The following ITGB1BP1 variants were observed in gnomAD, a reference collection of about 807,000 sequenced individuals.
ITGB1BP1 encodes integrin beta-1-binding protein 1.
A neutral mutation model predicts 28.0 loss-of-function variants in ITGB1BP1; 20 were observed. The observed-to-expected ratio is 0.71, with a 90% CI of 0.50 to 1.04. ITGB1BP1 has a LOEUF of 1.04. Among genes scored for constraint, ITGB1BP1 ranks in the 50% least tolerant of loss-of-function variants. The pLI is 0.00. For missense variants in ITGB1BP1, 228 were observed against 242.5 expected, an observed-to-expected ratio of 0.94 and a Z score of 0.40; for synonymous variants, 103 against 89.5, an observed-to-expected ratio of 1.15 and a Z score of -0.85.
chr2:9,421,442 C>T lies in ITGB1BP1; in HGVS notation c.-36+1931G>A, dbSNP rs1219036923. 3.3e-5 allele frequency among the ~76,000 whole-genome samples: 5 copies of T among 152,170 alleles called. No homozygotes were observed. The South Asian group carries it at 8.3e-4, about 25-fold the overall frequency. ...GTGGCTCACGCCTGTAATCCCAGCA[C>T]TTTGGGAGGCCAAGTCGGGCGGATC... On this transcript the variant is annotated intron_variant, in intron 1 of 6. Coordinates refer to ENST00000355346, the MANE Select transcript of ITGB1BP1 (RefSeq NM_004763.5).
chr2:9,418,584 T>C (rs1679428829), intron 2 of ITGB1BP1, 42 bp downstream of exon 2: 1 of 1,345,308 alleles, frequency 7.4e-7, no homozygotes, highest in Non-Finnish European at 1.1e-6. Flanking sequence ...GAAACAAAAC[T>C]CTCCCTGCTT....
In ITGB1BP1 at chr2:9,409,474, C is replaced by A. The variant is rs1240571280; in HGVS notation, c.289-1269G>T. Among the ~76,000 whole-genome samples, 12 of 152,182 alleles carry A rather than the reference C, an allele frequency of 7.9e-5. No individual in the cohort carries two copies. The East Asian group carries it at 2.3e-3, about 29-fold the overall frequency. Reference sequence around the variant, plus strand: ...TGGTGATATGAGAAATTTAGTAGTCCTTATAGGAATGAAAATAATGCTAGT... The same window carrying A: ...TGGTGATATGAGAAATTTAGTAGTCATTATAGGAATGAAAATAATGCTAGT... On this transcript the variant is annotated intron_variant, in intron 4 of 6. Transcript: ENST00000355346.
chr2:9,412,621 G>T (rs1258604551), intron 3 of ITGB1BP1: 2 of 437,972 alleles, frequency 4.6e-6, no homozygotes, highest in African/African-American at 2.0e-5. Flanking sequence ...AGTATACAAA[G>T]GTCTCAATAA....
Position 9,423,517 on chromosome 2 carries a change from C to T in ITGB1BP1, c.-180G>A. 8.3e-7 allele frequency: 1 copy of T among 1,201,906 alleles called. No homozygotes were observed. Among genetic ancestry groups the T allele is most frequent in the Non-Finnish European group, 1.1e-6 (1 of 932,094 alleles). 74.5% of individuals were successfully genotyped at this position (1,201,906 alleles called of 1,614,324 possible). ...CCTGCCCACGTCCGCCGGGCCGCGC[C>T]TCCAAGACTATGCGCAGGCGCAGTC... On this transcript the variant is annotated 5_prime_UTR_variant, in exon 1 of 7. Transcript: ENST00000355346.
chr2:9,413,077 C>A (rs1208169897), intron 3 of ITGB1BP1, among the ~76,000 whole-genome samples: 2 of 152,198 alleles, frequency 1.3e-5, no homozygotes, highest in African/African-American at 4.8e-5. Context: ...CGACTTATAA[C>A]CTCAACCATA....
rs903700271 is a variant in ITGB1BP1, at chr2:9,404,046, C to T, written c.*2788G>A. 3 of 152,232 alleles carry T rather than the reference C, an allele frequency of 2.0e-5. No homozygotes were observed. The highest frequency in any genetic ancestry group is 4.4e-5 in the Non-Finnish European group (3 of 68,050). The allele number at this position is 152,232 out of a possible 1,614,324, so 9.4% of individuals were successfully genotyped here. ...TGCATTTCCTGAATTTGGTTAAAAA[C>T]TAAGGATGATGGATTGCAAAACAGT... On this transcript the variant is annotated 3_prime_UTR_variant, in exon 7 of 7. Transcript: ENST00000355346.
chr2:9,421,425 C>G (rs1572743512), intron 1 of ITGB1BP1, among the ~76,000 whole-genome samples: 1 of 152,164 alleles, frequency 6.6e-6, no homozygotes. Flanking sequence ...GGGTGGCTCA[C>G]GCCTGTAATC....
chr2:9,406,873 G>T lies in ITGB1BP1; in HGVS notation c.564C>A (p.Ser188=), dbSNP rs746508266. ...EQAQAICKVL[S]TAFDSVLTSE... ...ATGTTAATACAGAGTCAAAAGCGGT[G>T]GATAAAACCTTGCAAATGGCTTGTG... is the stretch of plus-strand genomic sequence containing the variant. The change falls in exon 7 of 7, where the codon TCC becomes TCA. Residue 188 remains serine (S), a synonymous_variant. Transcript: ENST00000355346. The T allele has an allele frequency of 1.2e-5, 19 of 1,613,282 alleles. No individual in the cohort carries two copies. The highest frequency in any genetic ancestry group is 1.6e-5 in the Non-Finnish European group (19 of 1,179,236).
chr2:9,416,540 G>A (rs1241653444), intron 2 of ITGB1BP1, among the ~76,000 whole-genome samples: 1 of 152,118 alleles, frequency 6.6e-6, no homozygotes, highest in Non-Finnish European at 1.5e-5. Flanking sequence ...CCACTCCCAG[G>A]GGTCTTCAGC....
intron 4 of ITGB1BP1, 150 bp downstream of exon 4, chr2:9,412,119 C>G: frequency 1.5e-6 from 1 of 658,466 alleles, no homozygotes; most frequent in South Asian, 1.7e-5. Context: ...TCAGCGCTCA[C>G]GCACATGTGC....
rs983707748 is a variant in ITGB1BP1 at position 9,415,288 on chromosome 2, A to G, written c.73-1032T>C. Among the ~76,000 whole-genome samples the G allele has an allele frequency of 2.6e-5, 4 of 152,192 alleles. No homozygotes were observed. The highest frequency in any genetic ancestry group is 9.7e-5 in the African/African-American group (4 of 41,444). On this transcript the variant is annotated intron_variant, in intron 2 of 6. Transcript: ENST00000355346. The surrounding 1 kb of genome is among the most constrained non-coding windows in gnomAD (Gnocchi z 4.1). ...TAGCTACTCGGGAGGCTGAGGCAGG[A>G]GAATAGCTTGAACCCAGGAGGTGGA...
chr2:9,406,141 GTT>G lies in ITGB1BP1; in HGVS notation c.*691_*692del, dbSNP rs1452977867. 1.0e-3 allele frequency: 12 copies of G among 11,518 alleles called. No individual in the cohort carries two copies. The highest frequency in any genetic ancestry group is 7.6e-3 in the African/African-American group (10 of 1,310). 0.7% of individuals were successfully genotyped at this position (11,518 alleles called of 1,614,324 possible). On this transcript the variant is annotated 3_prime_UTR_variant, in exon 7 of 7. Coordinates refer to ENST00000355346, the MANE Select transcript of ITGB1BP1 (RefSeq NM_004763.5). ...CGTCTTCCTCAGGCCTTCAGTGTGTGTTTGTCACTGAGTGGACCTCTGTGACA... is the reference window on the plus strand; with the variant it reads ...CGTCTTCCTCAGGCCTTCAGTGTGTGTGTCACTGAGTGGACCTCTGTGACA...
rs566311442 is a variant in ITGB1BP1 at position 9,404,391 on chromosome 2, A to G, written c.*2443T>C. 1 of 152,218 alleles carries G rather than the reference A, an allele frequency of 6.6e-6. No homozygotes were observed. The highest frequency in any genetic ancestry group is 1.9e-4 in the East Asian group (1 of 5,200). The allele number at this position is 152,218 out of a possible 1,614,324, so 9.4% of individuals were successfully genotyped here. A position where few individuals can be genotyped will look rare whatever the true frequency, so the allele number is the denominator to read the frequency against. ...TAGGTCCCAGGTAATACTCCCAAAC[A>G]TCCCACTTTTTACTGTTTCAGGCCA... is the stretch of plus-strand genomic sequence containing the variant. On this transcript the variant is annotated 3_prime_UTR_variant, in exon 7 of 7. Transcript: ENST00000355346.
At chr2:9,418,355 T>A (rs1202103769) in intron 2 of ITGB1BP1, among the ~76,000 whole-genome samples, 1 of 152,220 alleles carries the variant, frequency 6.6e-6, no homozygotes, top group Non-Finnish European at 1.5e-5. Context: ...CATTTAAAAA[T>A]TTTTTAAATC....
chr2:9,423,496 C>G lies in ITGB1BP1; in HGVS notation c.-159G>C. 8.4e-7 allele frequency: 1 copy of G among 1,196,046 alleles called. No individual in the cohort carries two copies. The highest frequency in any genetic ancestry group is 1.1e-6 in the Non-Finnish European group (1 of 943,522). 74.1% of individuals were successfully genotyped at this position (1,196,046 alleles called of 1,614,324 possible). On this transcript the variant is annotated 5_prime_UTR_variant, in exon 1 of 7. Coordinates refer to ENST00000355346, the MANE Select transcript of ITGB1BP1 (RefSeq NM_004763.5). ...AGCGCCGGCTTTTCCAGCCCTCCTG[C>G]CCACGTCCGCCGGGCCGCGCCTCCA...
chr2:9,422,780 T>TCTCACC (rs1474312171), intron 1 of ITGB1BP1: 2 of 985,902 alleles, frequency 2.0e-6, no homozygotes, highest in South Asian at 4.7e-5. Context: ...CACAGATCCC[T>TCTCACC]CTCACCCTCA....
chr2:9,420,933 T>C (rs1156794851), intron 1 of ITGB1BP1, among the ~76,000 whole-genome samples: 1 of 152,164 alleles, frequency 6.6e-6, no homozygotes, highest in African/African-American at 2.4e-5. Context: ...GGAAGAAGAC[T>C]GCGGGTGATT....
Position 9,404,561 on chromosome 2 carries a change from A to G in ITGB1BP1, c.*2273T>C, listed in dbSNP as rs1008175942. 7 of 152,570 alleles carry G rather than the reference A, an allele frequency of 4.6e-5. No individual in the cohort carries two copies. The highest frequency in any genetic ancestry group is 8.8e-5 in the Non-Finnish European group (6 of 68,030). 9.5% of individuals were successfully genotyped at this position (152,570 alleles called of 1,614,324 possible). Reference sequence around the variant, plus strand: ...AAGATTCATAGTAGGAATATTGGAAATTTTGGCACTCTGAGAATAAATAGG... The same window carrying G: ...AAGATTCATAGTAGGAATATTGGAAGTTTTGGCACTCTGAGAATAAATAGG... On this transcript the variant is annotated 3_prime_UTR_variant, in exon 7 of 7. Coordinates refer to ENST00000355346, the MANE Select transcript of ITGB1BP1 (RefSeq NM_004763.5).
At position 9,412,413 on chromosome 2, in the gene ITGB1BP1, T is replaced by C. The variant is rs1161879997; in HGVS notation, c.152-8A>G. ...AATTATTGTTGCTTTGTCCTGAAGA[T>C]GAAAGAAAAGTGGTAAGACTTAAGA... On this transcript the variant is annotated splice_region_variant and splice_polypyrimidine_tract_variant and intron_variant, in intron 3 of 6. Transcript: ENST00000355346. 7 of 1,597,130 alleles carry C rather than the reference T, an allele frequency of 4.4e-6. No individual in the cohort carries two copies. The highest frequency in any genetic ancestry group is 6.0e-6 in the Non-Finnish European group (7 of 1,174,968).
Sources: gnomAD v4.1 joint callset for allele counts (sites outside exome capture counted in the v4.1 genomes callset) on GRCh38, gnomAD v4.1.1 for gene constraint, Gnocchi (gnomAD v3.1) non-coding constraint, MANE v1.5 for transcripts, NCBI Gene and HGNC (gene_info 2026-07-23, HGNC 2026-07-21) for gene names.